FBP2: variants seen among roughly 807,000 people sequenced by gnomAD.
FBP2 encodes fructose-1,6-bisphosphatase isozyme 2.
FBP2 carries 27 observed loss-of-function variants against 31.6 expected under a neutral mutation model. The observed-to-expected ratio is 0.85, with a 90% CI of 0.63 to 1.18. The LOEUF is 1.18. Among genes scored for constraint, FBP2 ranks in the 50% most tolerant of loss-of-function variants. The pLI is 0.00. For synonymous variants in FBP2, 168 were observed against 179.8 expected, an observed-to-expected ratio of 0.93 and a Z score of 0.53; for missense variants, 421 against 436.1, an observed-to-expected ratio of 0.97 and a Z score of 0.31.
intron 5 of FBP2, among the ~76,000 whole-genome samples, chr9:94,566,541 G>A (rs964954464): frequency 6.6e-6 from 1 of 152,204 alleles, no homozygotes; most frequent in African/African-American, 2.4e-5. Flanking sequence ...CTGGCTTGCT[G>A]TTAATAAATA....
intron 1 of FBP2, among the ~76,000 whole-genome samples, chr9:94,587,759 G>C (rs1167249882): frequency 6.6e-6 from 1 of 152,134 alleles, no homozygotes; most frequent in Non-Finnish European, 1.5e-5. Context: ...TGGAGCAGAT[G>C]GGGGGACTCA....
chr9:94,559,163 T>C (rs1269767652), intron 6 of FBP2, 31 bp from the exon 7 acceptor site: 2 of 1,589,146 alleles, frequency 1.3e-6, no homozygotes, highest in East Asian at 2.2e-5. Flanking sequence ...GTGAGTAAAC[T>C]CTGCAAGTGG....
intron 4 of FBP2, 133 bp from the exon 5 acceptor site, chr9:94,567,540 A>G (rs2987883): frequency 0.47 from 474,975 of 1,021,020 alleles, 112,985 homozygotes; most frequent in East Asian, 0.62. Flanking sequence ...GTCACTCTGA[A>G]CCTGCTCTTT....
intron 6 of FBP2, among the ~76,000 whole-genome samples, chr9:94,561,332 CCATGTGA>C (rs1346423711): frequency 6.8e-6 from 1 of 146,580 alleles, no homozygotes; most frequent in African/African-American, 2.5e-5. Flanking sequence ...GGCCTGCAGG[CCATGTGA>C]CATGTGACCT....
chr9:94,565,793 A>G (rs989418287), intron 5 of FBP2, among the ~76,000 whole-genome samples: 1 of 127,992 alleles, frequency 7.8e-6, no homozygotes, highest in African/African-American at 3.8e-5. Context: ...GATAGATGAT[A>G]GATAGGTGAG....
chr9:94,584,547 G>A, intron 3 of FBP2, 30 bp downstream of exon 3: 1 of 1,348,242 alleles, frequency 7.4e-7, no homozygotes, highest in South Asian at 1.2e-5. Flanking sequence ...CCACAGGAAG[G>A]AGGTGTAAAA....
chr9:94,559,350 C>T (rs1436373723), intron 6 of FBP2, among the ~76,000 whole-genome samples: 1 of 152,174 alleles, frequency 6.6e-6, no homozygotes, highest in African/African-American at 2.4e-5. Flanking sequence ...CCCCTCTGGC[C>T]AGGTGACTGA....
chr9:94,591,703 C>T (rs1236982379), intron 1 of FBP2, among the ~76,000 whole-genome samples: 1 of 152,178 alleles, frequency 6.6e-6, no homozygotes, highest in African/African-American at 2.4e-5. Context: ...AGGCACTGTG[C>T]GTGTCTTACG....
rs745941004 is a variant in FBP2, at chr9:94,563,357, C to T, written c.810G>A (p.Lys270=). The T allele has an allele frequency of 2.5e-6, 4 of 1,614,124 alleles. No individual in the cohort carries two copies. The highest frequency in any genetic ancestry group is 1.3e-5 in the African/African-American group (1 of 75,060). Residue 270 remains lysine, a synonymous_variant, in exon 6 of 7, where the codon AAG becomes AAA. Coordinates refer to ENST00000375337, the MANE Select transcript of FBP2 (RefSeq NM_003837.4). ...GGAGAATTACCTTGCCCTTAGGGCT[C>T]TTCTGGTTGGCTGGGTACAGGAAGA... ...GGIFLYPANQ[K]SPKGKLRLLY... is the part of the protein sequence containing the mutation.
At chr9:94,562,927 TTGTA>T in intron 6 of FBP2, among the ~76,000 whole-genome samples, 1 of 152,326 alleles carries the variant, frequency 6.6e-6, no homozygotes, top group South Asian at 2.1e-4. Context: ...AACGTGTAAT[TTGTA>T]TGTAATGTGT....
At position 94,558,934 on chromosome 9, in the gene FBP2, C is replaced by CT. The variant is rs1827050197; in HGVS notation, c.*3dup. The stretch of plus-strand genomic sequence containing the variant: ...ACAGAAGAGGGCATGTGGGGTCAAA[C>CT]TCGCTAGCTGCCTGCCTGATTTTTC... On this transcript the variant is annotated 3_prime_UTR_variant, in exon 7 of 7. Coordinates refer to ENST00000375337, the MANE Select transcript of FBP2 (RefSeq NM_003837.4). The CT allele has an allele frequency of 1.9e-6, 3 of 1,613,946 alleles. No homozygotes were observed. The African/African-American group carries it at 4.0e-5, about 22-fold the overall frequency.
chr9:94,565,856 C>T (rs1425378024), intron 5 of FBP2, among the ~76,000 whole-genome samples: 4 of 152,022 alleles, frequency 2.6e-5, no homozygotes, highest in Admixed American at 2.6e-4. Context: ...ATGCTCGTAA[C>T]TTGGGGGAGG....
chr9:94,584,583 A>T lies in FBP2; in HGVS notation c.420T>A (p.Tyr140Ter), dbSNP rs1310949594. 6.2e-7 allele frequency: 1 copy of T among 1,607,628 alleles called. No homozygotes were observed. The highest frequency in any genetic ancestry group is 8.5e-7 in the Non-Finnish European group (1 of 1,174,118). The stretch of plus-strand genomic sequence containing the variant: ...TGTCAGCCTGTCTACTCACCTTTCT[A>T]TAGATGGCAAAGATGGTTCCGATGG... ...LASIGTIFAI[Y>*]RKTSEDEPSE... Residue 140 changes from tyrosine (Y) to a stop codon, truncating the protein, a stop_gained, in exon 3 of 7, where the codon TAT becomes TAA. Coordinates refer to ENST00000375337, the MANE Select transcript of FBP2 (RefSeq NM_003837.4). LOFTEE classifies it high-confidence loss of function.
At chr9:94,591,605 G>C (rs925249834) in intron 1 of FBP2, among the ~76,000 whole-genome samples, 2 of 152,224 alleles carry the variant, frequency 1.3e-5, no homozygotes, top group Non-Finnish European at 2.9e-5. Flanking sequence ...TGCAGTGGGG[G>C]GCTGAAAGGC....
chr9:94,565,310 G>C (rs1827169244), intron 5 of FBP2, among the ~76,000 whole-genome samples: 1 of 148,104 alleles, frequency 6.8e-6, no homozygotes. Flanking sequence ...GGGAGGCGGA[G>C]GTTGCAGTGA....
chr9:94,561,534 T>G (rs11789810), intron 6 of FBP2, among the ~76,000 whole-genome samples: 65,501 of 151,488 alleles, frequency 0.43, 14,999 homozygotes, highest in Admixed American at 0.53. Flanking sequence ...GGCTAATTAT[T>G]TTTTGTATTT....
intron 1 of FBP2, among the ~76,000 whole-genome samples, chr9:94,592,679 C>A (rs1054364195): frequency 1.3e-5 from 2 of 152,176 alleles, no homozygotes; most frequent in African/African-American, 4.8e-5. Context: ...GGACTACAGG[C>A]GCCCGCCACC....
chr9:94,559,360 A>G (rs1363388057), intron 6 of FBP2, among the ~76,000 whole-genome samples: 1 of 152,192 alleles, frequency 6.6e-6, no homozygotes, highest in Non-Finnish European at 1.5e-5. Context: ...CAGGTGACTG[A>G]GCCATGTATC....
In FBP2 at chr9:94,567,372, G is replaced by C. The variant is rs959088264; in HGVS notation, c.603C>G (p.Val201=). ...LGEFVLVEKD[V]KIKKKGKIYS... Reference sequence around the variant, plus strand: ...AAATCTTTCCTTTCTTCTTAATCTTGACATCTTTTTCCACCAGGACAAATT... The same window carrying C: ...AAATCTTTCCTTTCTTCTTAATCTTCACATCTTTTTCCACCAGGACAAATT... The change falls in exon 5 of 7, where the codon GTC becomes GTG. Residue 201 remains valine (V), a synonymous_variant. Transcript: ENST00000375337. 6.2e-7 allele frequency: 1 copy of C among 1,613,946 alleles called. No individual in the cohort carries two copies. The highest frequency in any genetic ancestry group is 2.2e-5 in the East Asian group (1 of 44,888).
Sources: gnomAD v4.1 joint callset for allele counts (sites outside exome capture counted in the v4.1 genomes callset) on GRCh38, gnomAD v4.1.1 for gene constraint, MANE v1.5 for transcripts, NCBI Gene and HGNC (gene_info 2026-07-23, HGNC 2026-07-21) for gene names.